The following ATRNL1 variants were observed in gnomAD, a reference collection of about 807,000 sequenced individuals.
The protein encoded by ATRNL1 is attractin-like protein 1.
Under a neutral mutation model 182.7 loss-of-function variants are expected in ATRNL1, and 95 were observed. The observed-to-expected ratio is 0.52, with a 90% CI of 0.44 to 0.62. The LOEUF is 0.62. ATRNL1 is among the 20% of genes least tolerant of loss of function. The probability of loss-of-function intolerance (pLI) is 0.00; values close to 1 mark genes in which losing one functional copy is unlikely to be tolerated. For synonymous variants in ATRNL1, 576 were observed against 568.3 expected, an observed-to-expected ratio of 1.01 and a Z score of -0.19; for missense variants, 1,471 against 1,679.5, an observed-to-expected ratio of 0.88 and a Z score of 2.17.
chr10:115,817,299 A>G (rs1445601409), intron 27 of ATRNL1, among the ~76,000 whole-genome samples: 2 of 152,136 alleles, frequency 1.3e-5, no homozygotes, highest in African/African-American at 4.8e-5. Flanking sequence ...TTTTTCGGAA[A>G]AAAATCATGA....
At chr10:115,360,728 T>C (rs1377512104) in intron 19 of ATRNL1, among the ~76,000 whole-genome samples, 1 of 151,782 alleles carries the variant, frequency 6.6e-6, no homozygotes, top group East Asian at 1.9e-4. Context: ...GTTTGTTACA[T>C]AGGTAAACGT....
chr10:115,930,375 TCATA>T (rs2134590561), intron 28 of ATRNL1, among the ~76,000 whole-genome samples: 1 of 152,184 alleles, frequency 6.6e-6, no homozygotes, highest in South Asian at 2.1e-4. Flanking sequence ...TCAGAACGTG[TCATA>T]CATCCCATAA....
intron 20 of ATRNL1, among the ~76,000 whole-genome samples, chr10:115,408,036 G>A (rs1339682482): frequency 2.9e-4 from 36 of 124,904 alleles, no homozygotes; most frequent in South Asian, 4.9e-4. Flanking sequence ...TCGCTCTGTC[G>A]CCCAGGCCGG....
intron 8 of ATRNL1, among the ~76,000 whole-genome samples, chr10:115,192,552 T>A (rs1034400501): frequency 6.6e-6 from 1 of 152,158 alleles, no homozygotes; most frequent in Non-Finnish European, 1.5e-5. Flanking sequence ...TTTGTTCTTT[T>A]TGCTCAGGAT....
At chr10:115,644,751 C>T (rs1399351152) in intron 26 of ATRNL1, among the ~76,000 whole-genome samples, 3 of 152,172 alleles carry the variant, frequency 2.0e-5, no homozygotes, top group Non-Finnish European at 4.4e-5. Flanking sequence ...CTCTCCTCAT[C>T]TGTATACATA....
chr10:115,728,298 CAAAAAAAAAAAAAAAAA>C (rs58437496), intron 27 of ATRNL1, among the ~76,000 whole-genome samples: 1 of 58,776 alleles, frequency 1.7e-5, no homozygotes, highest in Non-Finnish European at 2.8e-5. Context: ...GACTCCGCCT[CAAAAAAAAAAAAAAAAA>C]AAAAAAAAGG....
At chr10:115,479,636 T>C (rs1848676037) in intron 24 of ATRNL1, among the ~76,000 whole-genome samples, 1 of 151,388 alleles carries the variant, frequency 6.6e-6, no homozygotes, top group African/African-American at 2.4e-5. Context: ...AATATTCCAA[T>C]AATATAGTAA....
At chr10:115,245,805 C>T (rs1301405939) in intron 10 of ATRNL1, among the ~76,000 whole-genome samples, 2 of 152,014 alleles carry the variant, frequency 1.3e-5, no homozygotes, top group African/African-American at 4.8e-5. Flanking sequence ...CTATGCACTT[C>T]GTTAAATTCT....
chr10:115,744,375 G>C (rs1305475593), intron 27 of ATRNL1, among the ~76,000 whole-genome samples: 1 of 151,960 alleles, frequency 6.6e-6, no homozygotes, highest in Non-Finnish European at 1.5e-5. Context: ...GAATATCTTA[G>C]AATCTGCTGT....
At chr10:115,551,532 G>A (rs1465483309) in intron 26 of ATRNL1, among the ~76,000 whole-genome samples, 1 of 151,342 alleles carries the variant, frequency 6.6e-6, no homozygotes, top group Admixed American at 6.6e-5. Context: ...CATCCAGGTA[G>A]TGCTTCTTTC....
intron 8 of ATRNL1, among the ~76,000 whole-genome samples, chr10:115,203,457 A>T (rs555562328): frequency 1.6e-4 from 25 of 152,248 alleles, no homozygotes; most frequent in African/African-American, 5.8e-4. Context: ...GCTAGGAAAT[A>T]AGCCCATGAT....
At chr10:115,586,361 T>C (rs1270770153) in intron 26 of ATRNL1, among the ~76,000 whole-genome samples, 3 of 96,452 alleles carry the variant, frequency 3.1e-5, no homozygotes, top group Non-Finnish European at 4.6e-5. Context: ...TCCAACTTGG[T>C]TCCATTCTCC....
At chr10:115,669,441 CTT>C (rs1292981434) in intron 26 of ATRNL1, among the ~76,000 whole-genome samples, 4 of 152,080 alleles carry the variant, frequency 2.6e-5, no homozygotes, top group Admixed American at 1.3e-4. Flanking sequence ...ATTTTTATGA[CTT>C]ATCATAAGGT....
At chr10:115,346,059 T>C (rs1554939601) in intron 19 of ATRNL1, among the ~76,000 whole-genome samples, 2 of 152,196 alleles carry the variant, frequency 1.3e-5, no homozygotes, top group African/African-American at 2.4e-5. Context: ...TCAAGTACTT[T>C]ACCTGTTTAA....
rs1196793928 is a variant in ATRNL1 at position 115,817,097 on chromosome 10, AG to A, written c.3904-30778del. On this transcript the variant is annotated intron_variant, in intron 27 of 28. Coordinates refer to ENST00000355044, the MANE Select transcript of ATRNL1 (RefSeq NM_207303.4). ...AATCCCCATGCCTTTAGAATCCCCA[AG>A]GCCTCCATCTGCATGTTTACTTACA... Among the ~76,000 whole-genome samples, 5 of 152,144 alleles carry A rather than the reference AG, an allele frequency of 3.3e-5. No individual in the cohort carries two copies. The East Asian group carries it at 5.8e-4, about 18-fold the overall frequency.
At chr10:115,260,420 A>T (rs920576981) in intron 10 of ATRNL1, among the ~76,000 whole-genome samples, 1 of 152,216 alleles carries the variant, frequency 6.6e-6, no homozygotes, top group Non-Finnish European at 1.5e-5. Context: ...GCATGTAGAG[A>T]TACTGACATT....
At chr10:115,405,968 T>G (rs1194335499) in intron 20 of ATRNL1, among the ~76,000 whole-genome samples, 3 of 151,760 alleles carry the variant, frequency 2.0e-5, no homozygotes, top group East Asian at 2.0e-4. Context: ...TTGCAATAGT[T>G]TGCTGAGAAT....
At chr10:115,803,443 T>C (rs149949144) in intron 27 of ATRNL1, among the ~76,000 whole-genome samples, 338 of 152,264 alleles carry the variant, frequency 2.2e-3, no homozygotes, top group Middle Eastern at 0.01. Context: ...TGATTTTATG[T>C]GACCTTGCAG....
intron 20 of ATRNL1, among the ~76,000 whole-genome samples, chr10:115,412,862 T>C (rs1281062031): frequency 2.0e-5 from 3 of 152,178 alleles, no homozygotes; most frequent in Non-Finnish European, 4.4e-5. Flanking sequence ...AATAAGGTAT[T>C]TGTAATTTTG....
Sources: allele counts gnomAD v4.1 joint callset (sites outside exome capture counted in the v4.1 genomes callset), GRCh38; gene constraint gnomAD v4.1.1; transcripts MANE v1.5; gene names NCBI Gene and HGNC (gene_info 2026-07-23, HGNC 2026-07-21).